The following PLXNA4 variants were observed in gnomAD, a reference collection of about 807,000 sequenced individuals.
PLXNA4 encodes the protein plexin-A4.
PLXNA4 carries 44 observed loss-of-function variants against 191.8 expected under a neutral mutation model. The observed-to-expected ratio is 0.23, with a 90% CI of 0.18 to 0.29. The LOEUF (loss-of-function observed/expected upper bound fraction) is 0.29, where lower values mean the gene tolerates loss of function less well. PLXNA4 is among the 10% of genes least tolerant of loss of function. The pLI is 1.00. For synonymous variants in PLXNA4, 1,082 were observed against 1,009.5 expected (o/e 1.07, Z -1.36); for missense variants, 1,800 against 2,488.8 (o/e 0.72, Z 5.89).
In PLXNA4 at chr7:132,550,759, C is replaced by T. The variant is rs1800525930; in HGVS notation, c.-87+25663G>A. Among the ~76,000 whole-genome samples the T allele has an allele frequency of 5.9e-5, 9 of 151,400 alleles. No homozygotes were observed. In the South Asian group the frequency reaches 1.9e-3, roughly 32 times the overall value. ...TGATGACCCTAATAGTCCTCCTACC[C>T]CACTGGGCTGCAATGACCACATCTG... On this transcript the variant is annotated intron_variant, in intron 1 of 31. Coordinates refer to ENST00000321063, the MANE Select transcript of PLXNA4 (RefSeq NM_020911.2).
rs200188163 is a variant in PLXNA4, at chr7:132,202,629, G to T, written c.2586+17C>A. ...GGAGCCTGCCCATTTGGAGCAGGAG[G>T]CCCGACCCCGGCTTACCTCTGTGAT... On this transcript the variant is annotated intron_variant, in intron 12 of 31. Coordinates refer to ENST00000321063, the MANE Select transcript of PLXNA4 (RefSeq NM_020911.2). 11 of 1,453,008 alleles carry T rather than the reference G, an allele frequency of 7.6e-6. No individual in the cohort carries two copies. Among genetic ancestry groups the T allele is most frequent in the Non-Finnish European group, 1.0e-5 (11 of 1,096,180 alleles). The allele number at this position is 1,453,008 out of a possible 1,614,324, so 90.0% of individuals were successfully genotyped here.
chr7:132,304,443 AAT>A (rs1429222190), intron 3 of PLXNA4, among the ~76,000 whole-genome samples: 1 of 152,230 alleles, frequency 6.6e-6, no homozygotes, highest in Non-Finnish European at 1.5e-5. Context: ...TAATTTTCAT[AAT>A]ATGTTTAATC....
intron 2 of PLXNA4, among the ~76,000 whole-genome samples, chr7:132,602,657 C>T (rs549270040): frequency 6.6e-6 from 1 of 152,176 alleles, no homozygotes; most frequent in Non-Finnish European, 1.5e-5. Flanking sequence ...AAGACATTTA[C>T]CCAGCCACCA....
chr7:132,257,719 G>C, intron 4 of PLXNA4, among the ~76,000 whole-genome samples: 1 of 152,196 alleles, frequency 6.6e-6, no homozygotes, highest in East Asian at 1.9e-4. Flanking sequence ...AACTGAGTGG[G>C]CCATTAGTTC....
At chr7:132,565,602 G>A (rs1178905991) in intron 1 of PLXNA4, among the ~76,000 whole-genome samples, 5 of 152,142 alleles carry the variant, frequency 3.3e-5, no homozygotes, top group Non-Finnish European at 7.3e-5. Context: ...GGGAAACAAA[G>A]CACATGACAT....
At chr7:132,461,710 A>G (rs558419377) in intron 3 of PLXNA4, among the ~76,000 whole-genome samples, 3 of 152,364 alleles carry the variant, frequency 2.0e-5, no homozygotes, top group East Asian at 1.9e-4. Context: ...TCAAAATCCA[A>G]CGGGCCTCAG....
chr7:132,328,132 T>A (rs973701788), intron 3 of PLXNA4, among the ~76,000 whole-genome samples: 18 of 152,170 alleles, frequency 1.2e-4, no homozygotes. Context: ...GGGGACTGAG[T>A]TTCCACGTTA....
intron 1 of PLXNA4, among the ~76,000 whole-genome samples, chr7:132,550,957 T>C (rs1258753228): frequency 6.6e-6 from 1 of 152,144 alleles, no homozygotes; most frequent in African/African-American, 2.4e-5. Context: ...CTGCATTCTC[T>C]CCCTTTGCTA....
chr7:132,376,326 A>G (rs1804658622), intron 3 of PLXNA4, among the ~76,000 whole-genome samples: 1 of 152,146 alleles, frequency 6.6e-6, no homozygotes, highest in Non-Finnish European at 1.5e-5. Flanking sequence ...CAGGGAAGGG[A>G]AGAAGAAATC....
At position 132,144,674 on chromosome 7, in the gene PLXNA4, A is replaced by G. The variant is rs554731440; in HGVS notation, c.5225+445T>C. On this transcript the variant is annotated intron_variant, in intron 29 of 31. Transcript: ENST00000321063. ...CGACACATCCTCCATCTTCCATAGC[A>G]TTTGTCCCACACCAGCAGACTTCCT... 3.9e-5 allele frequency among the ~76,000 whole-genome samples: 6 copies of G among 152,212 alleles called. No individual in the cohort carries two copies. In the East Asian group the frequency reaches 1.2e-3, roughly 29 times the overall value.
chr7:132,237,454 C>T (rs1333321671), intron 5 of PLXNA4, among the ~76,000 whole-genome samples: 2 of 152,208 alleles, frequency 1.3e-5, no homozygotes, highest in Middle Eastern at 3.4e-3. Flanking sequence ...CTTATAGTTG[C>T]CAGGGGGCTC....
intron 2 of PLXNA4, among the ~76,000 whole-genome samples, chr7:132,641,208 T>G (rs540996186): frequency 3.3e-5 from 5 of 152,332 alleles, no homozygotes; most frequent in Admixed American, 3.3e-4. Context: ...TGTCCTTATA[T>G]TAATCTGCTC....
chr7:132,508,205 G>A lies in PLXNA4; in HGVS notation c.489C>T (p.Val163=). Residue 163 remains valine (V), a synonymous_variant, in exon 2 of 32, where the codon GTC becomes GTT. Transcript: ENST00000321063. This position sits in a 1 kb window ranked among gnomAD's most constrained non-coding sequence, Gnocchi z 4.4. ...YHKKEHYLSG[V]NESGSVFGVI... is the part of the protein sequence containing the mutation. ...CTCCAAAGACTGAGCCGCTCTCGTTGACACCTGACAGATAGTGCTCCTTCT... is the reference window on the plus strand; with the variant it reads ...CTCCAAAGACTGAGCCGCTCTCGTTAACACCTGACAGATAGTGCTCCTTCT... The A allele has an allele frequency of 6.2e-7, 1 of 1,614,178 alleles. No homozygotes were observed. Among genetic ancestry groups the A allele is most frequent in the Non-Finnish European group, 8.5e-7 (1 of 1,180,034 alleles).
intron 13 of PLXNA4, among the ~76,000 whole-genome samples, chr7:132,197,546 T>G (rs1797291235): frequency 6.6e-6 from 1 of 152,148 alleles, no homozygotes; most frequent in African/African-American, 2.4e-5. Context: ...TAGAAAGGTG[T>G]CAGAAAGTTG....
intron 5 of PLXNA4, among the ~76,000 whole-genome samples, chr7:132,235,288 C>T (rs1320587797): frequency 6.6e-6 from 1 of 152,224 alleles, no homozygotes; most frequent in Non-Finnish European, 1.5e-5. Flanking sequence ...CAGGTCCCCT[C>T]CCTTAATTTT....
intron 1 of PLXNA4, among the ~76,000 whole-genome samples, chr7:132,518,052 A>G (rs941037865): frequency 1.1e-4 from 16 of 152,026 alleles, no homozygotes; most frequent in African/African-American, 3.6e-4. Flanking sequence ...TTATTTTACA[A>G]CTTTCCCTGG....
chr7:132,613,125 G>A (rs1337124385), intron 2 of PLXNA4, among the ~76,000 whole-genome samples: 5 of 152,244 alleles, frequency 3.3e-5, no homozygotes, highest in East Asian at 3.9e-4. Context: ...TTCCTCTCAC[G>A]CACACAAAGG....
At chr7:132,240,980 G>A in intron 5 of PLXNA4, 86 bp downstream of exon 5, 1 of 877,032 alleles carries the variant, frequency 1.1e-6, no homozygotes, top group Non-Finnish European at 1.7e-6. Context: ...CAGATCAAAG[G>A]GAAGGGCAGT....
At chr7:132,193,503 A>G (rs1321928028) in intron 14 of PLXNA4, among the ~76,000 whole-genome samples, 6 of 152,240 alleles carry the variant, frequency 3.9e-5, no homozygotes, top group Non-Finnish European at 2.9e-5. Flanking sequence ...ATGGGCCACA[A>G]GTGTGCAGGG....
Sources: gnomAD v4.1 joint callset for allele counts (sites outside exome capture counted in the v4.1 genomes callset) on GRCh38, gnomAD v4.1.1 for gene constraint, Gnocchi (gnomAD v3.1) non-coding constraint, MANE v1.5 for transcripts, NCBI Gene and HGNC (gene_info 2026-07-23, HGNC 2026-07-21) for gene names.